SLC35F4: variants seen among roughly 807,000 people sequenced by gnomAD.
SLC35F4 encodes solute carrier family 35 member F4.
In SLC35F4, 24 loss-of-function variants were observed where a neutral mutation model predicts 44.2. The observed-to-expected ratio is 0.54, with a 90% CI of 0.39 to 0.76. The LOEUF is 0.76. SLC35F4 is among the 30% of genes least tolerant of loss of function. SLC35F4 has a pLI of 0.00. For synonymous variants in SLC35F4, 238 were observed against 223.6 expected (o/e 1.06, Z -0.57); for missense variants, 562 against 586.1 (o/e 0.96, Z 0.42).
At chr14:57,957,396 A>C (rs1470697351) in intron 1 of SLC35F4, among the ~76,000 whole-genome samples, 2 of 151,190 alleles carry the variant, frequency 1.3e-5, no homozygotes, top group African/African-American at 2.4e-5. Flanking sequence ...AGGTAACAAA[A>C]CTGCACGTTC....
At chr14:57,956,684 G>GA (rs1477054254) in intron 1 of SLC35F4, among the ~76,000 whole-genome samples, 1 of 151,826 alleles carries the variant, frequency 6.6e-6, no homozygotes, top group Non-Finnish European at 1.5e-5. Context: ...ACAAACATAT[G>GA]AAAAAAAAGC....
At chr14:57,856,034 G>A (rs1267739437) in intron 1 of SLC35F4, among the ~76,000 whole-genome samples, 2 of 151,852 alleles carry the variant, frequency 1.3e-5, no homozygotes, top group Non-Finnish European at 2.9e-5. Flanking sequence ...CACTGTCGGG[G>A]GTTGCTGTGT....
chr14:57,575,411 G>A (rs866760020), intron 4 of SLC35F4, among the ~76,000 whole-genome samples: 11 of 152,274 alleles, frequency 7.2e-5, no homozygotes, highest in Admixed American at 1.3e-4. Flanking sequence ...AATCTGGGAG[G>A]TGAAGGTTGC....
intron 1 of SLC35F4, among the ~76,000 whole-genome samples, chr14:57,810,605 A>G (rs1419979274): frequency 6.6e-6 from 1 of 152,190 alleles, no homozygotes; most frequent in Non-Finnish European, 1.5e-5. Flanking sequence ...TCTTCCTGCA[A>G]CAAAGTCTGT....
chr14:57,769,394 A>C (rs1233362194), intron 1 of SLC35F4, among the ~76,000 whole-genome samples: 1 of 152,194 alleles, frequency 6.6e-6, no homozygotes, highest in Non-Finnish European at 1.5e-5. Flanking sequence ...TCTCTGAAAA[A>C]AAGACATGCC....
chr14:57,883,282 C>T (rs190523226), intron 1 of SLC35F4, among the ~76,000 whole-genome samples: 105 of 152,238 alleles, frequency 6.9e-4, no homozygotes, highest in African/African-American at 2.4e-3. Flanking sequence ...CCAATAGATT[C>T]AAGATGGAAG....
chr14:57,831,012 G>A (rs1884317567), intron 1 of SLC35F4, among the ~76,000 whole-genome samples: 1 of 152,122 alleles, frequency 6.6e-6, no homozygotes, highest in Non-Finnish European at 1.5e-5. Flanking sequence ...CTTGAATGCT[G>A]GTGGGACATG....
At chr14:57,656,236 G>C (rs1566731895) in intron 1 of SLC35F4, among the ~76,000 whole-genome samples, 2 of 151,844 alleles carry the variant, frequency 1.3e-5, no homozygotes, top group Admixed American at 1.3e-4. Context: ...AAAAGTGGGA[G>C]ATGAAGGGCA....
At chr14:57,688,936 T>C (rs2075145536) in intron 1 of SLC35F4, among the ~76,000 whole-genome samples, 1 of 152,222 alleles carries the variant, frequency 6.6e-6, no homozygotes, top group South Asian at 2.1e-4. Flanking sequence ...TGGTTAGTAC[T>C]AGAGAAAATA....
At chr14:57,710,669 C>G (rs533308516) in intron 1 of SLC35F4, among the ~76,000 whole-genome samples, 2 of 152,216 alleles carry the variant, frequency 1.3e-5, no homozygotes, top group African/African-American at 2.4e-5. Flanking sequence ...ACCAGTATGA[C>G]CTGGATGTGA....
At chr14:57,947,808 T>C (rs1890063434) in intron 1 of SLC35F4, among the ~76,000 whole-genome samples, 1 of 152,228 alleles carries the variant, frequency 6.6e-6, no homozygotes, top group Non-Finnish European at 1.5e-5. Context: ...TTTTTAGCTC[T>C]GTTTATGTGG....
chr14:57,677,166 C>T (rs112309865), intron 1 of SLC35F4, among the ~76,000 whole-genome samples: 22,122 of 151,888 alleles, frequency 0.15, 1,873 homozygotes, highest in East Asian at 0.29. Context: ...GAATGGAAAA[C>T]CAAATACCAT....
intron 2 of SLC35F4, among the ~76,000 whole-genome samples, chr14:57,592,025 G>A (rs1418708096): frequency 9.9e-5 from 15 of 152,058 alleles, no homozygotes; most frequent in South Asian, 2.1e-4. Context: ...CCAATTCTTC[G>A]ATTTTACAAA....
intron 1 of SLC35F4, among the ~76,000 whole-genome samples, chr14:57,942,137 T>C (rs1470968862): frequency 6.6e-6 from 1 of 152,222 alleles, no homozygotes; most frequent in Non-Finnish European, 1.5e-5. Flanking sequence ...CAAGAGTGAA[T>C]AACGTCAGAA....
intron 1 of SLC35F4, among the ~76,000 whole-genome samples, chr14:57,909,774 T>A (rs190999777): frequency 6.6e-6 from 1 of 152,036 alleles, no homozygotes; most frequent in East Asian, 1.9e-4. Flanking sequence ...AAAGCTGCTA[T>A]GAACATCTGT....
chr14:57,904,824 T>A (rs1411677176), intron 1 of SLC35F4, among the ~76,000 whole-genome samples: 1 of 152,120 alleles, frequency 6.6e-6, no homozygotes, highest in Non-Finnish European at 1.5e-5. Context: ...GATGCTGGGA[T>A]CTGCTCTGAC....
At chr14:57,936,172 A>C (rs1044337585) in intron 1 of SLC35F4, among the ~76,000 whole-genome samples, 7 of 152,250 alleles carry the variant, frequency 4.6e-5, no homozygotes, top group African/African-American at 1.7e-4. Context: ...TTTCACATGC[A>C]AAAAGATGGA....
chr14:57,844,946 C>T (rs907744366), intron 1 of SLC35F4, among the ~76,000 whole-genome samples: 5 of 152,068 alleles, frequency 3.3e-5, no homozygotes, highest in East Asian at 1.9e-4. Flanking sequence ...CCCCCACCCC[C>T]CCATGCACAT....
intron 1 of SLC35F4, among the ~76,000 whole-genome samples, chr14:57,980,295 A>G (rs1047893280): frequency 4.6e-5 from 7 of 152,190 alleles, no homozygotes; most frequent in African/African-American, 1.7e-4. Context: ...AGCTGTCAGG[A>G]ACCCTGAGGC....
Sources: allele counts gnomAD v4.1 joint callset (sites outside exome capture counted in the v4.1 genomes callset), GRCh38; gene constraint gnomAD v4.1.1; transcripts MANE v1.5; gene names NCBI Gene and HGNC (gene_info 2026-07-23, HGNC 2026-07-21).